Variants in TOPORS observed in about 807,000 individuals in gnomAD.
TOPORS encodes the protein TOP1 binding arginine/serine rich protein, E3 ubiquitin ligase.
TOPORS carries 25 observed loss-of-function variants against 81.4 expected under a neutral mutation model. That is an observed-to-expected ratio of 0.31 (90% confidence interval 0.22 to 0.43). TOPORS has a LOEUF of 0.43. Ranked by LOEUF, TOPORS falls within the 20% of genes least tolerant of loss-of-function variation. The probability of loss-of-function intolerance (pLI) is 1.00; values close to 1 mark genes in which losing one functional copy is unlikely to be tolerated. For synonymous variants in TOPORS, 473 were observed against 456.6 expected, an observed-to-expected ratio of 1.04 and a Z score of -0.46; for missense variants, 1,101 against 1,267.0, an observed-to-expected ratio of 0.87 and a Z score of 1.99.
chr9:32,546,746 A>C (rs1273353523), intron 2 of TOPORS, among the ~76,000 whole-genome samples: 19 of 152,224 alleles, frequency 1.2e-4, no homozygotes. Flanking sequence ...TCCCTTCTCT[A>C]GTTTTATAAG....
Position 32,541,228 on chromosome 9 carries a change from G to A in TOPORS, c.*159C>T, listed in dbSNP as rs1056207485. The A allele has an allele frequency of 2.7e-6, 2 of 739,368 alleles. No individual in the cohort carries two copies. The highest frequency in any genetic ancestry group is 4.3e-6 in the Non-Finnish European group (2 of 464,792). 45.8% of individuals were successfully genotyped at this position (739,368 alleles called of 1,614,324 possible). A position where few individuals can be genotyped will look rare whatever the true frequency, so the allele number is the denominator to read the frequency against. On this transcript the variant is annotated 3_prime_UTR_variant, in exon 3 of 3. Coordinates refer to ENST00000360538, the MANE Select transcript of TOPORS (RefSeq NM_005802.5). ...GGGACATACATTTTGAACAAATAATGATTTTTACAAATTAACACCAAAAAA... is the reference window on the plus strand; with the variant it reads ...GGGACATACATTTTGAACAAATAATAATTTTTACAAATTAACACCAAAAAA...
chr9:32,542,850 T>G lies in TOPORS; in HGVS notation c.1675A>C (p.Lys559Gln). 1.2e-6 allele frequency: 2 copies of G among 1,614,070 alleles called. No homozygotes were observed. Among genetic ancestry groups the G allele is most frequent in the Non-Finnish European group, 1.7e-6 (2 of 1,180,024 alleles). The change falls in exon 3 of 3, where the codon AAG becomes CAG. Residue 559 changes from lysine to glutamine, a missense_variant. This residue lies in a region of TOPORS where 605 missense variants were observed against 636.1 expected (regional missense o/e 0.95). Transcript: ENST00000360538. ...GATGTAGATCGTTTCTCTTCCTTCT[T>G]TGATTTGATTCTTGTACTAGAATCA... Reference protein sequence around the residue: ...HCDSSTRIKSKKEEKRSTSLS... With the variant: ...HCDSSTRIKSQKEEKRSTSLS...
In TOPORS at chr9:32,543,594, G is replaced by C. The variant is rs750413132; in HGVS notation, c.931C>G (p.His311Asp). Reference protein sequence around the residue: ...KRELTVLFGAHGSLVNIVQHI... With the variant: ...KRELTVLFGADGSLVNIVQHI... ...TGGACAATATTCACTAAAGATCCAT[G>C]AGCTCCAAAAAGAACTGTAAGTTCA... Residue 311 changes from histidine to aspartate, a missense_variant, in exon 3 of 3, where the codon CAT (histidine) becomes GAT (aspartate). By Grantham distance (81) the His-to-Asp change is moderately conservative. This residue lies in a region of TOPORS where 69 missense variants were observed against 153.6 expected (regional missense o/e 0.45). Transcript: ENST00000360538. This position sits in a 1 kb window ranked among gnomAD's most constrained non-coding sequence, Gnocchi z 5.6. The C allele has an allele frequency of 6.2e-7, 1 of 1,611,780 alleles. No homozygotes were observed. Among genetic ancestry groups the C allele is most frequent in the South Asian group, 1.1e-5 (1 of 90,728 alleles).
chr9:32,543,652 A>C lies in TOPORS; in HGVS notation c.873T>G (p.Ala291=). The change falls in exon 3 of 3, where the codon GCT becomes GCG. Residue 291 remains alanine (A), a synonymous_variant. Coordinates refer to ENST00000360538, the MANE Select transcript of TOPORS (RefSeq NM_005802.5). The surrounding 1 kb of genome is among the most constrained non-coding windows in gnomAD (Gnocchi z 5.6). ...ACCAGGGGACTAATCTGTGAAGGCA[A>C]GCTGGATTTCTACGGAAAAATTCAG... is the stretch of plus-strand genomic sequence containing the variant. ...ISAEFFRRNP[A]CLHRLVPWLK... 1.2e-6 allele frequency: 2 copies of C among 1,613,038 alleles called. No individual in the cohort carries two copies. The highest frequency in any genetic ancestry group is 1.7e-6 in the Non-Finnish European group (2 of 1,179,658).
chr9:32,541,277 G>T lies in TOPORS; in HGVS notation c.*110C>A. 1 of 1,070,206 alleles carries T rather than the reference G, an allele frequency of 9.3e-7. No homozygotes were observed. The highest frequency in any genetic ancestry group is 1.4e-6 in the Non-Finnish European group (1 of 730,638). The allele number at this position is 1,070,206 out of a possible 1,614,324, so 66.3% of individuals were successfully genotyped here. A position where few individuals can be genotyped will look rare whatever the true frequency, so the allele number is the denominator to read the frequency against. On this transcript the variant is annotated 3_prime_UTR_variant, in exon 3 of 3. Coordinates refer to ENST00000360538, the MANE Select transcript of TOPORS (RefSeq NM_005802.5). ...AAAAAATCATTTAAAATATTGTAAG[G>T]AGGAAGAGAGTTTTCACCAAATGTC...
At chr9:32,551,114 T>G in intron 1 of TOPORS, 146 bp from the exon 2 acceptor site, 2 of 1,027,166 alleles carry the variant, frequency 1.9e-6, no homozygotes, top group Non-Finnish European at 2.9e-6. Flanking sequence ...GGGGCGGGGC[T>G]CAGCGCACCG....
Position 32,542,859 on chromosome 9 carries a change from T to G in TOPORS, c.1666A>C (p.Ile556Leu). 1 of 1,614,124 alleles carries G rather than the reference T, an allele frequency of 6.2e-7. No individual in the cohort carries two copies. Among genetic ancestry groups the G allele is most frequent in the African/African-American group, 1.3e-5 (1 of 75,066 alleles). ...CGTTTCTCTTCCTTCTTTGATTTGA[T>G]TCTTGTACTAGAATCACAATGACCT... is the stretch of plus-strand genomic sequence containing the variant. The part of the protein sequence containing the change: ...NKGHCDSSTR[I>L]KSKKEEKRST... Residue 556 changes from isoleucine (I) to leucine (L), a missense_variant, in exon 3 of 3, where the codon ATC becomes CTC. Around this residue, in one of 9 missense-constraint regions of TOPORS, gnomAD observed 605 missense variants for 636.1 expected, o/e 0.95. Coordinates refer to ENST00000360538, the MANE Select transcript of TOPORS (RefSeq NM_005802.5).
In TOPORS at chr9:32,543,901, A is replaced by T. The variant is rs377538073; in HGVS notation, c.624T>A (p.Asp208Glu). 2 of 1,613,942 alleles carry T rather than the reference A, an allele frequency of 1.2e-6. No individual in the cohort carries two copies. The highest frequency in any genetic ancestry group is 2.7e-5 in the African/African-American group (2 of 74,932). The part of the protein sequence containing the change: ...PVNRRTTTPP[D>E]SGVLFEGLGI... ...CTAACCCTTCAAACAGTACTCCACT[A>T]TCCGGTGGAGTTGTTGTTCTTCTGT... is the stretch of plus-strand genomic sequence containing the variant. The change falls in exon 3 of 3, where the codon GAT (aspartate) becomes GAA (glutamate). Residue 208 changes from aspartate to glutamate, a missense_variant. Coordinates refer to ENST00000360538, the MANE Select transcript of TOPORS (RefSeq NM_005802.5). This position sits in a 1 kb window ranked among gnomAD's most constrained non-coding sequence, Gnocchi z 5.6.
chr9:32,551,012 G>T, intron 1 of TOPORS, 44 bp from the exon 2 acceptor site: 1 of 1,597,870 alleles, frequency 6.3e-7, no homozygotes, highest in Non-Finnish European at 8.5e-7. Flanking sequence ...TCGGAAGCAG[G>T]GCAGAGAGCG....
chr9:32,546,448 G>A (rs1018741662), intron 2 of TOPORS, among the ~76,000 whole-genome samples: 19 of 152,262 alleles, frequency 1.2e-4, no homozygotes, highest in Admixed American at 4.6e-4. Flanking sequence ...ACTAGCTCTA[G>A]TTAATGTGAA....
Position 32,543,819 on chromosome 9 carries a change from C to T in TOPORS, c.706G>A (p.Val236Ile), listed in dbSNP as rs1563984366. The T allele has an allele frequency of 6.2e-7, 1 of 1,614,040 alleles. No homozygotes were observed. The highest frequency in any genetic ancestry group is 1.3e-5 in the African/African-American group (1 of 75,042). The change falls in exon 3 of 3, where the codon GTA becomes ATA. Residue 236 changes from valine (V) to isoleucine (I), a missense_variant. Physicochemically the swap from Val to Ile is conservative, Grantham distance 29. Around this residue, in one of 9 missense-constraint regions of TOPORS, gnomAD observed 120 missense variants for 115.4 expected, o/e 1.04. Coordinates refer to ENST00000360538, the MANE Select transcript of TOPORS (RefSeq NM_005802.5). This position sits in a 1 kb window ranked among gnomAD's most constrained non-coding sequence, Gnocchi z 5.6. ...EIPQFMRQIA[V>I]RRPTTADERS... Reference sequence around the variant, plus strand: ...TCATCTGCCGTAGTTGGCCTCCTTACTGCAATCTGTCTCATAAACTGAGGA... The same window carrying T: ...TCATCTGCCGTAGTTGGCCTCCTTATTGCAATCTGTCTCATAAACTGAGGA...
At chr9:32,544,750 T>TA (rs74736481) in intron 2 of TOPORS, among the ~76,000 whole-genome samples, 80 of 145,944 alleles carry the variant, frequency 5.5e-4, no homozygotes, top group East Asian at 2.2e-3. Flanking sequence ...ATCTGACATA[T>TA]AAAAAAAAAA....
At position 32,543,995 on chromosome 9, in the gene TOPORS, C is replaced by A. The variant is rs748479572; in HGVS notation, c.530G>T (p.Arg177Leu). 6.2e-7 allele frequency: 1 copy of A among 1,614,096 alleles called. No homozygotes were observed. Among genetic ancestry groups the A allele is most frequent in the Admixed American group, 1.7e-5 (1 of 60,020 alleles). The part of the protein sequence containing the change: ...YNGSFVTPDR[R>L]FRYRTTLTRE... ...TGTCAGAGTTGTACGGTAGCGAAATCGTCGATCAGGGGTGACAAAAGAACC... is the reference window on the plus strand; with the variant it reads ...TGTCAGAGTTGTACGGTAGCGAAATAGTCGATCAGGGGTGACAAAAGAACC... The change falls in exon 3 of 3, where the codon CGA (arginine) becomes CTA (leucine). Residue 177 changes from arginine to leucine, a missense_variant. Physicochemically the swap from Arg to Leu is moderately radical, Grantham distance 102. Coordinates refer to ENST00000360538, the MANE Select transcript of TOPORS (RefSeq NM_005802.5). This position sits in a 1 kb window ranked among gnomAD's most constrained non-coding sequence, Gnocchi z 5.6.
At chr9:32,549,381 T>TTAA (rs1465464946) in intron 2 of TOPORS, among the ~76,000 whole-genome samples, 4 of 152,242 alleles carry the variant, frequency 2.6e-5, no homozygotes, top group Admixed American at 6.5e-5. Flanking sequence ...ATCTGCTGAT[T>TTAA]ACATTTGCGG....
chr9:32,551,214 G>A lies in TOPORS; in HGVS notation c.4-246C>T. 5.0e-6 allele frequency: 3 copies of A among 599,666 alleles called. No homozygotes were observed. In the South Asian group the frequency reaches 5.8e-5, roughly 12 times the overall value. 37.1% of individuals were successfully genotyped at this position (599,666 alleles called of 1,614,324 possible). A position where few individuals can be genotyped will look rare whatever the true frequency, so the allele number is the denominator to read the frequency against. ...CTTGTTACTGGTACTCAGCCACTGGGGACACTGACTGAATGTTCGCCCCTA... is the reference window on the plus strand; with the variant it reads ...CTTGTTACTGGTACTCAGCCACTGGAGACACTGACTGAATGTTCGCCCCTA... On this transcript the variant is annotated intron_variant, in intron 1 of 2. Transcript: ENST00000360538.
In TOPORS at chr9:32,542,456, T is replaced by C. The variant is rs1563983491; in HGVS notation, c.2069A>G (p.Tyr690Cys). 1 of 1,613,614 alleles carries C rather than the reference T, an allele frequency of 6.2e-7. No homozygotes were observed. Among genetic ancestry groups the C allele is most frequent in the Admixed American group, 1.7e-5 (1 of 60,012 alleles). ...GCTTCCATAATTATTTCTTAAATAA[T>C]AACGATCTCTATTTCTGCTCCGTGA... ...RRSRSRNRDR[Y>C]YLRNNYGSRY... The change falls in exon 3 of 3, where the codon TAT (tyrosine) becomes TGT (cysteine). Residue 690 changes from tyrosine to cysteine, a missense_variant. Transcript: ENST00000360538.
At chr9:32,545,369 T>C (rs777720530) in intron 2 of TOPORS, among the ~76,000 whole-genome samples, 3 of 151,444 alleles carry the variant, frequency 2.0e-5, no homozygotes, top group Non-Finnish European at 2.9e-5. Context: ...TCAGTTTACA[T>C]TGGCTCAAAA....
rs750028435 is a variant in TOPORS at position 32,550,910 on chromosome 9, G to A, written c.62C>T (p.Pro21Leu). The change falls in exon 2 of 3, where the codon CCT (proline) becomes CTT (leucine). Residue 21 changes from proline (P) to leucine (L), a missense_variant. Physicochemically the swap from Pro to Leu is moderately conservative, Grantham distance 98 (BLOSUM62 -3). Coordinates refer to ENST00000360538, the MANE Select transcript of TOPORS (RefSeq NM_005802.5). ...LSREEGEAPP[P>L]APASEGRRRS... ...CCGCCTACCCTCCGAAGCGGGAGCA[G>A]GCGGGGGCGCTTCACCCTCCTCGCG... 1 of 1,612,884 alleles carries A rather than the reference G, an allele frequency of 6.2e-7. No homozygotes were observed. Among genetic ancestry groups the A allele is most frequent in the East Asian group, 2.2e-5 (1 of 44,870 alleles).
chr9:32,549,137 C>G (rs1286054890), intron 2 of TOPORS, among the ~76,000 whole-genome samples: 1 of 152,014 alleles, frequency 6.6e-6, no homozygotes, highest in Non-Finnish European at 1.5e-5. Flanking sequence ...GTGAAACCGT[C>G]TCTACTAAAA....
Sources: gnomAD v4.1 joint callset for allele counts (sites outside exome capture counted in the v4.1 genomes callset) on GRCh38, gnomAD v4.1.1 for gene constraint, gnomAD v4.1.1 regional missense constraint, Gnocchi (gnomAD v3.1) non-coding constraint, MANE v1.5 for transcripts, NCBI Gene and HGNC (gene_info 2026-07-23, HGNC 2026-07-21) for gene names.